LMF1: variants seen among roughly 807,000 people sequenced by gnomAD.
LMF1 encodes the protein transmembrane protein 112.
In LMF1, 68 loss-of-function variants were observed where a neutral mutation model predicts 60.6. That is an observed-to-expected ratio of 1.12 (90% CI 0.92 to 1.37). The LOEUF is 1.37. Among genes scored for constraint, LMF1 ranks in the 40% most tolerant of loss-of-function variants. LMF1 has a pLI of 0.00. For synonymous variants in LMF1, 418 were observed against 324.7 expected (o/e 1.29, Z -3.09); for missense variants, 948 against 767.2 (o/e 1.24, Z -2.78).
intron 3 of LMF1, among the ~76,000 whole-genome samples, chr16:922,911 C>T (rs1254808907): frequency 1.5e-4 from 14 of 95,108 alleles, no homozygotes; most frequent in Non-Finnish European, 2.3e-4. Context: ...GTGTGAAAGT[C>T]GCCGGGGTTT....
At position 954,261 on chromosome 16, in the gene LMF1, C is replaced by A. The variant is rs758528779; in HGVS notation, c.503+96G>T. ...CCCTCCTGAAGGAATTTAAGATAAA[C>A]GCTCGTCCAGTCTTTCCAAGTGCCA... On this transcript the variant is annotated intron_variant, in intron 2 of 10. Coordinates refer to ENST00000262301, the MANE Select transcript of LMF1 (RefSeq NM_022773.4). 7 of 1,252,856 alleles carry A rather than the reference C, an allele frequency of 5.6e-6. No homozygotes were observed. In the Admixed American group the frequency reaches 7.8e-5, roughly 14 times the overall value. 77.6% of individuals were successfully genotyped at this position (1,252,856 alleles called of 1,614,324 possible).
chr16:861,035 T>C (rs1029847037), intron 10 of LMF1, among the ~76,000 whole-genome samples: 2 of 152,092 alleles, frequency 1.3e-5, no homozygotes, highest in African/African-American at 4.8e-5. Context: ...TTAATAGGAA[T>C]TGCATTAAAC....
chr16:923,298 G>A (rs1482997010), intron 3 of LMF1, among the ~76,000 whole-genome samples: 4 of 152,170 alleles, frequency 2.6e-5, no homozygotes, highest in Admixed American at 1.3e-4. Flanking sequence ...TGTGGCCTAC[G>A]AGGGTCCCCA....
intron 3 of LMF1, among the ~76,000 whole-genome samples, chr16:923,236 G>C (rs1316535051): frequency 6.7e-6 from 1 of 148,842 alleles, no homozygotes; most frequent in Non-Finnish European, 1.5e-5. Flanking sequence ...AAAACAGCAG[G>C]GGCAAGGAGT....
chr16:910,944 A>G lies in LMF1; in HGVS notation c.650T>C (p.Ile217Thr). Residue 217 changes from isoleucine (I) to threonine (T), a missense_variant, in exon 4 of 11, where the codon ATC becomes ACC. Physicochemically the swap from Ile to Thr is moderately conservative, Grantham distance 89. Coordinates refer to ENST00000262301, the MANE Select transcript of LMF1 (RefSeq NM_022773.4). ...AGCTCCACTTACTGCTCCAAGCATG[A>G]TCCTGAAGATCAGCCACCGGAAGCC... Reference protein sequence around the residue: ...LWGFRWLIFRIMLGAGLIKIR... With the variant: ...LWGFRWLIFRTMLGAGLIKIR... 6.2e-7 allele frequency: 1 copy of G among 1,612,890 alleles called. No individual in the cohort carries two copies. Among genetic ancestry groups the G allele is most frequent in the Non-Finnish European group, 8.5e-7 (1 of 1,179,848 alleles).
chr16:910,387 G>T (rs538067618), intron 4 of LMF1, among the ~76,000 whole-genome samples: 1 of 152,142 alleles, frequency 6.6e-6, no homozygotes, highest in East Asian at 1.9e-4. Flanking sequence ...CAGTCTGGTC[G>T]TCCTGAGAGA....
rs778392530 is a variant in LMF1, at chr16:954,619, C to T, written c.241G>A (p.Asp81Asn). Residue 81 changes from aspartate to asparagine, a missense_variant, in exon 2 of 11, where the codon GAC (aspartate) becomes AAC (asparagine). By Grantham distance (23) the Asp-to-Asn change is conservative. Coordinates refer to ENST00000262301, the MANE Select transcript of LMF1 (RefSeq NM_022773.4). ...ACTCTGCAGGGAAGCAGCCCCCTGT[C>T]ACCGATGAGCTGCTTGTTCTGATGG... is the stretch of plus-strand genomic sequence containing the variant. ...AFHQNKQLIG[D>N]RGLLPCRVFL... 7.5e-6 allele frequency: 12 copies of T among 1,608,514 alleles called. No homozygotes were observed. The Admixed American group carries it at 1.3e-4, about 18-fold the overall frequency.
intron 2 of LMF1, among the ~76,000 whole-genome samples, chr16:940,435 T>C (rs1185823201): frequency 1.3e-5 from 2 of 151,400 alleles, no homozygotes; most frequent in Non-Finnish European, 1.5e-5. Flanking sequence ...AGGCAGGTGG[T>C]GTGGGAGGGT....
chr16:866,479 G>A (rs2069613492), intron 10 of LMF1, among the ~76,000 whole-genome samples: 1 of 152,126 alleles, frequency 6.6e-6, no homozygotes, highest in Non-Finnish European at 1.5e-5. Context: ...TGGAGGGGAG[G>A]AGCCCTTCAG....
intron 3 of LMF1, among the ~76,000 whole-genome samples, chr16:911,885 A>C (rs2151756059): frequency 1.3e-5 from 2 of 152,174 alleles, no homozygotes; most frequent in Middle Eastern, 6.8e-3. Context: ...CAGCTCCGCC[A>C]CTGGATGCGG....
intron 2 of LMF1, among the ~76,000 whole-genome samples, chr16:949,140 G>A: frequency 6.7e-6 from 1 of 148,866 alleles, no homozygotes; most frequent in Non-Finnish European, 1.5e-5. Context: ...GACAGAGTTA[G>A]AGACAATGAC....
At chr16:951,988 C>T (rs1350319024) in intron 2 of LMF1, among the ~76,000 whole-genome samples, 1 of 151,794 alleles carries the variant, frequency 6.6e-6, no homozygotes, top group Non-Finnish European at 1.5e-5. Flanking sequence ...CCTGCAGACT[C>T]CCGTGAGAGC....
At chr16:877,773 C>A (rs2070035225) in intron 6 of LMF1, among the ~76,000 whole-genome samples, 1 of 151,842 alleles carries the variant, frequency 6.6e-6, no homozygotes, top group South Asian at 2.1e-4. Context: ...GTAGAACCGG[C>A]AGAATCCCTA....
At chr16:902,709 G>C (rs139376661) in intron 4 of LMF1, 1,847 of 153,436 alleles carry the variant, frequency 0.012, 13 homozygotes, top group South Asian at 0.089. Flanking sequence ...TCTGCTGCGT[G>C]GTGGTGACCT....
rs572291329 is a variant in LMF1, at chr16:955,229, T to C, written c.194-563A>G. 5.8e-4 allele frequency among the ~76,000 whole-genome samples: 62 copies of C among 107,286 alleles called. 3 individuals are homozygous for C. Among genetic ancestry groups the C allele is most frequent in the African/African-American group, 1.2e-3 (23 of 19,980 alleles). 70.4% of individuals were successfully genotyped at this position (107,286 alleles called of 152,430 possible). A position where few individuals can be genotyped will look rare whatever the true frequency, so the allele number is the denominator to read the frequency against. On this transcript the variant is annotated intron_variant, in intron 1 of 10. Coordinates refer to ENST00000262301, the MANE Select transcript of LMF1 (RefSeq NM_022773.4). ...AGACAAGTTACATAAAAGGCGTGCC[T>C]GCAGCAGACGTGGTGTGTGCATACA...
At chr16:935,388 G>A (rs2071910252) in intron 2 of LMF1, among the ~76,000 whole-genome samples, 1 of 152,108 alleles carries the variant, frequency 6.6e-6, no homozygotes, top group East Asian at 1.9e-4. Flanking sequence ...AACTGCCCCA[G>A]CCAGAATGTT....
intron 10 of LMF1, among the ~76,000 whole-genome samples, chr16:860,026 CTGAGCT>C: frequency 6.6e-6 from 1 of 150,644 alleles, no homozygotes; most frequent in Non-Finnish European, 1.5e-5. Context: ...GGCATTTCTC[CTGAGCT>C]TATCTGTCAT....
intron 3 of LMF1, among the ~76,000 whole-genome samples, chr16:931,361 G>A (rs73499255): frequency 0.12 from 18,546 of 152,240 alleles, 1,275 homozygotes; most frequent in Non-Finnish European, 0.16. Context: ...GCTGCTTTGC[G>A]GGCCGCAGGG....
intron 4 of LMF1, among the ~76,000 whole-genome samples, chr16:895,283 C>T (rs2070631264): frequency 6.6e-6 from 1 of 152,216 alleles, no homozygotes; most frequent in African/African-American, 2.4e-5. Flanking sequence ...GGGTCAGCCT[C>T]GGGCTCCCAG....
Sources: allele counts gnomAD v4.1 joint callset (sites outside exome capture counted in the v4.1 genomes callset), GRCh38; gene constraint gnomAD v4.1.1; transcripts MANE v1.5; gene names NCBI Gene and HGNC (gene_info 2026-07-23, HGNC 2026-07-21).